Variants in ZEB2 observed in about 807,000 individuals in gnomAD.
ZEB2 encodes zinc finger E-box binding homeobox 2.
A neutral mutation model predicts 99.9 loss-of-function variants in ZEB2; 6 were observed. The ratio of observed to expected loss-of-function variants is 0.06; its 90% CI spans 0.03 to 0.12. The LOEUF is 0.12. Ranked by LOEUF, ZEB2 falls within the 10% of genes least tolerant of loss-of-function variation. The pLI, the probability that ZEB2 is intolerant of heterozygous loss-of-function variation, is 1.00. For missense variants in ZEB2, 969 were observed against 1,502.8 expected (o/e 0.64, Z 5.87); for synonymous variants, 517 against 542.5 (o/e 0.95, Z 0.65).
At chr2:144,467,257 C>G (rs1315151883) in intron 2 of ZEB2, among the ~76,000 whole-genome samples, 22 of 151,784 alleles carry the variant, frequency 1.4e-4, no homozygotes, top group Admixed American at 1.4e-3. Flanking sequence ...AACATTTTTC[C>G]TCTTAAAGAA....
intron 4 of ZEB2, among the ~76,000 whole-genome samples, chr2:144,418,515 C>A (rs1375609598): frequency 6.6e-6 from 1 of 151,940 alleles, no homozygotes; most frequent in East Asian, 1.9e-4. Flanking sequence ...TGACAAAACC[C>A]CATCTCTACT....
At position 144,398,645 on chromosome 2, in the gene ZEB2, T is replaced by G; in HGVS notation, c.2542A>C (p.Ser848Arg). ...KASSISLDHNSVSSSSENSDE... is the reference protein window; with the variant it reads ...KASSISLDHNRVSSSSENSDE... Reference sequence around the variant, plus strand: ...GAGTTTTCAGATGAGGAAGAAACACTGTTATGATCTAAACTGATGCTACTA... The same window carrying G: ...GAGTTTTCAGATGAGGAAGAAACACGGTTATGATCTAAACTGATGCTACTA... The change falls in exon 8 of 10, where the codon AGT (serine) becomes CGT (arginine). Residue 848 changes from serine to arginine, a missense_variant. Physicochemically the swap from Ser to Arg is moderately radical, Grantham distance 110. Transcript: ENST00000627532. 1 of 1,614,114 alleles carries G rather than the reference T, an allele frequency of 6.2e-7. No homozygotes were observed. The highest frequency in any genetic ancestry group is 1.1e-5 in the South Asian group (1 of 91,090).
At chr2:144,465,414 T>A (rs1704257657) in intron 2 of ZEB2, among the ~76,000 whole-genome samples, 1 of 152,180 alleles carries the variant, frequency 6.6e-6, no homozygotes, top group Non-Finnish European at 1.5e-5. Flanking sequence ...ATTCTAGAGA[T>A]CTTGATGTGG....
At chr2:144,497,059 T>C (rs976178258) in intron 2 of ZEB2, among the ~76,000 whole-genome samples, 4 of 152,194 alleles carry the variant, frequency 2.6e-5, no homozygotes, top group Admixed American at 6.5e-5. Context: ...TGACAATGCC[T>C]GCGCTGTTCA....
intron 4 of ZEB2, among the ~76,000 whole-genome samples, chr2:144,421,464 A>G (rs1703617674): frequency 6.6e-6 from 1 of 152,226 alleles, no homozygotes; most frequent in Admixed American, 6.5e-5. Flanking sequence ...AAGAAAGAAT[A>G]TGTACTTATT....
rs1210140137 is a variant in ZEB2, at chr2:144,388,618, C to T, written c.*833G>A. On this transcript the variant is annotated 3_prime_UTR_variant, in exon 10 of 10. Coordinates refer to ENST00000627532, the MANE Select transcript of ZEB2 (RefSeq NM_014795.4). The surrounding 1 kb of genome is among the most constrained non-coding windows in gnomAD (Gnocchi z 5.4). ...CAAACATATGTAAACTAAGGAACTG[C>T]TGCCTATTCTTCTAATACTGACATG... 2 of 156,200 alleles carry T rather than the reference C, an allele frequency of 1.3e-5. No homozygotes were observed. Among genetic ancestry groups the T allele is most frequent in the African/African-American group, 4.8e-5 (2 of 41,458 alleles). 9.7% of individuals were successfully genotyped at this position (156,200 alleles called of 1,614,324 possible).
chr2:144,443,944 C>A (rs1179464748), intron 2 of ZEB2, among the ~76,000 whole-genome samples: 1 of 151,984 alleles, frequency 6.6e-6, no homozygotes, highest in African/African-American at 2.4e-5. Context: ...ATGTTATTCA[C>A]ACATCCCACA....
chr2:144,442,672 A>G (rs1431251190), intron 2 of ZEB2, among the ~76,000 whole-genome samples: 4 of 152,190 alleles, frequency 2.6e-5, no homozygotes. Context: ...TATAGTAAAC[A>G]TATATTTTAT....
intron 2 of ZEB2, among the ~76,000 whole-genome samples, chr2:144,517,058 C>T (rs1228700185): frequency 1.3e-5 from 2 of 149,904 alleles, no homozygotes; most frequent in South Asian, 4.1e-4. Context: ...CTCGGACCCC[C>T]GGGTGCCTGA....
At chr2:144,390,487 T>C in intron 9 of ZEB2, 1 of 242,134 alleles carries the variant, frequency 4.1e-6, no homozygotes, top group Non-Finnish European at 8.2e-6. Context: ...TATCATGAGA[T>C]AGTTGCTTTG....
intron 2 of ZEB2, among the ~76,000 whole-genome samples, chr2:144,474,354 T>C (rs993510779): frequency 3.3e-5 from 5 of 152,194 alleles, no homozygotes; most frequent in African/African-American, 1.2e-4. Flanking sequence ...TTTTCCATGT[T>C]AGCACCTGGT....
intron 2 of ZEB2, among the ~76,000 whole-genome samples, chr2:144,452,221 C>T (rs966809523): frequency 2.6e-5 from 4 of 152,036 alleles, no homozygotes; most frequent in South Asian, 2.1e-4. Flanking sequence ...AATGCCTAGA[C>T]GGGTAGGAAA....
chr2:144,483,441 T>C (rs777769161), intron 2 of ZEB2, among the ~76,000 whole-genome samples: 31 of 152,354 alleles, frequency 2.0e-4, no homozygotes, highest in Non-Finnish European at 4.1e-4. Flanking sequence ...AAATGTTACC[T>C]TTTGTGTTTA....
chr2:144,399,238 T>G lies in ZEB2; in HGVS notation c.1949A>C (p.Asn650Thr), dbSNP rs1057520817. The G allele has an allele frequency of 6.2e-7, 1 of 1,614,016 alleles. No homozygotes were observed. The highest frequency in any genetic ancestry group is 1.3e-5 in the African/African-American group (1 of 74,994). Residue 650 changes from asparagine (N) to threonine (T), a missense_variant, in exon 8 of 10, where the codon AAC (asparagine) becomes ACC (threonine). Around this residue, in one of 8 missense-constraint regions of ZEB2, gnomAD observed 346 missense variants for 460.0 expected, o/e 0.75. Transcript: ENST00000627532. The surrounding 1 kb of genome is among the most constrained non-coding windows in gnomAD (Gnocchi z 5.6). The part of the protein sequence containing the change: ...LSEKGMTSPI[N>T]PYKDHMSVLK... ...TACAGACATGTGGTCCTTGTATGGG[T>G]TGATGGGGCTTGTCATTCCTTTCTC... is the stretch of plus-strand genomic sequence containing the variant.
chr2:144,518,340 A>C (rs1485619825), intron 1 of ZEB2: 1 of 152,210 alleles, frequency 6.6e-6, no homozygotes, highest in African/African-American at 2.4e-5. Flanking sequence ...AACTGTCAAA[A>C]CTTGGAGAAG....
In ZEB2 at chr2:144,464,412, C is replaced by T. The variant is rs528836354; in HGVS notation, c.74-34386G>A. The stretch of plus-strand genomic sequence containing the variant: ...TCTACCATTTGGTTATTTAGAAAGG[C>T]AACTATTCAATTCCATAATTACAGC... On this transcript the variant is annotated intron_variant, in intron 2 of 9. Coordinates refer to ENST00000627532, the MANE Select transcript of ZEB2 (RefSeq NM_014795.4). The T allele has an allele frequency of 5.3e-5, 8 of 152,230 alleles. No homozygotes were observed. The East Asian group carries it at 1.5e-3, about 29-fold the overall frequency. 9.4% of individuals were successfully genotyped at this position (152,230 alleles called of 1,614,324 possible). A position where few individuals can be genotyped will look rare whatever the true frequency, so the allele number is the denominator to read the frequency against.
In ZEB2 at chr2:144,388,936, GA is replaced by G. The variant is rs558553086; in HGVS notation, c.*514del. On this transcript the variant is annotated 3_prime_UTR_variant, in exon 10 of 10. Coordinates refer to ENST00000627532, the MANE Select transcript of ZEB2 (RefSeq NM_014795.4). The surrounding 1 kb of genome is among the most constrained non-coding windows in gnomAD (Gnocchi z 5.4). ...CTAAAATTGTGTGGTTACTTAAGCT[GA>G]AAAAAAAAATGGGAAATTGATGAAT... 1,468 of 365,770 alleles carry G rather than the reference GA, an allele frequency of 4.0e-3. 1 individual carries two copies. Among genetic ancestry groups the G allele is most frequent in the African/African-American group, 8.7e-3 (393 of 44,918 alleles). 22.7% of individuals were successfully genotyped at this position (365,770 alleles called of 1,614,324 possible). A position where few individuals can be genotyped will look rare whatever the true frequency, so the allele number is the denominator to read the frequency against.
intron 8 of ZEB2, chr2:144,397,966 C>T (rs568883371): frequency 6.7e-5 from 24 of 358,524 alleles, no homozygotes; most frequent in Non-Finnish European, 9.2e-5. Flanking sequence ...AAGCACGTGA[C>T]GGTTATAAAC....
At chr2:144,517,931 G>A (rs147323897) in intron 1 of ZEB2, 129 of 340,162 alleles carry the variant, frequency 3.8e-4, no homozygotes, top group African/African-American at 2.5e-3. Context: ...ATTATAGGAA[G>A]CCCACTCGCC....
Sources: allele counts gnomAD v4.1 joint callset (sites outside exome capture counted in the v4.1 genomes callset), GRCh38; gene constraint gnomAD v4.1.1; regional missense constraint gnomAD v4.1.1; non-coding constraint Gnocchi (gnomAD v3.1); transcripts MANE v1.5; gene names NCBI Gene and HGNC (gene_info 2026-07-23, HGNC 2026-07-21).